SCHIP1: variants seen among roughly 807,000 people sequenced by gnomAD.
SCHIP1 encodes the protein schwannomin interacting protein 1, also known as schwannomin-interacting protein 1.
In SCHIP1, 8 loss-of-function variants were observed where a neutral mutation model predicts 29.7. The ratio of observed to expected loss-of-function variants is 0.27; its 90% CI spans 0.16 to 0.49. SCHIP1 has a LOEUF of 0.49. Among genes scored for constraint, SCHIP1 ranks in the 20% least tolerant of loss-of-function variants. The pLI is 0.99. For synonymous variants in SCHIP1, 76 were observed against 94.9 expected, an observed-to-expected ratio of 0.80 and a Z score of 1.16; for missense variants, 193 against 294.6, an observed-to-expected ratio of 0.66 and a Z score of 2.52.
chr3:159,630,590 C>T, the SCHIP1 span, among the ~76,000 whole-genome samples: 3 of 150,448 alleles, frequency 2.0e-5, no homozygotes, highest in Admixed American at 6.6e-5. Flanking sequence ...GAATGGAAAA[C>T]CAAACATCAT....
chr3:159,359,389 A>T, the SCHIP1 span, among the ~76,000 whole-genome samples: 1 of 152,144 alleles, frequency 6.6e-6, no homozygotes. Context: ...TGCCTTTCTG[A>T]TGGGTCATAT....
chr3:159,373,060 A>T, the SCHIP1 span, among the ~76,000 whole-genome samples: 1 of 152,002 alleles, frequency 6.6e-6, no homozygotes, highest in South Asian at 2.1e-4. Context: ...AATTTTTCTG[A>T]AAAAAGGGTA....
intron 1 of SCHIP1, among the ~76,000 whole-genome samples, chr3:159,845,086 C>T (rs1329110495): frequency 6.6e-6 from 1 of 152,152 alleles, no homozygotes; most frequent in East Asian, 1.9e-4. Flanking sequence ...GTTTCTGACC[C>T]CTAGGCAGAA....
chr3:159,487,860 T>A, the SCHIP1 span, among the ~76,000 whole-genome samples: 1 of 152,224 alleles, frequency 6.6e-6, no homozygotes, highest in African/African-American at 2.4e-5. Context: ...TTTACGTTAG[T>A]CTTTTAAAGT....
chr3:159,721,966 G>A, the SCHIP1 span: 1 of 382,380 alleles, frequency 2.6e-6, no homozygotes, highest in Non-Finnish European at 5.1e-6. Context: ...GTGTTCTTCA[G>A]CTTGACTTTC....
At chr3:159,887,883 A>G in exon 4 of SCHIP1, 2 of 1,614,034 alleles carry the variant, frequency 1.2e-6, no homozygotes, top group South Asian at 1.1e-5. Context: ...CAGAACAGGA[A>G]AAAGTCTCCC....
the SCHIP1 span, among the ~76,000 whole-genome samples, chr3:159,622,500 C>G: frequency 3.3e-5 from 5 of 152,298 alleles, no homozygotes; most frequent in East Asian, 9.6e-4. Context: ...CACTAGAGTT[C>G]TTTTTATCTC....
the SCHIP1 span, among the ~76,000 whole-genome samples, chr3:159,497,172 A>C: frequency 4.6e-5 from 7 of 152,074 alleles, no homozygotes; most frequent in African/African-American, 1.4e-4. Context: ...TGGCTGCAGC[A>C]CACCAACATG....
At chr3:159,814,610 C>T in the SCHIP1 span, among the ~76,000 whole-genome samples, 2 of 152,200 alleles carry the variant, frequency 1.3e-5, no homozygotes, top group African/African-American at 2.4e-5. Context: ...GTAGCTGGCC[C>T]ATGTGCCGCA....
chr3:159,719,584 A>G, the SCHIP1 span, among the ~76,000 whole-genome samples: 1 of 152,268 alleles, frequency 6.6e-6, no homozygotes, highest in Non-Finnish European at 1.5e-5. Flanking sequence ...GGATATGAAC[A>G]GACATTTCTC....
the SCHIP1 span, among the ~76,000 whole-genome samples, chr3:159,285,791 A>G: frequency 6.6e-6 from 1 of 152,172 alleles, no homozygotes; most frequent in South Asian, 2.1e-4. Context: ...CACTCATTCA[A>G]TAAACATTTG....
chr3:159,713,280 GAAA>G, the SCHIP1 span, among the ~76,000 whole-genome samples: 1 of 139,240 alleles, frequency 7.2e-6, no homozygotes, highest in African/African-American at 2.7e-5. Flanking sequence ...AAGAAAGAAA[GAAA>G]GAAAAAAGAA....
the SCHIP1 span, among the ~76,000 whole-genome samples, chr3:159,823,525 G>A: frequency 3.3e-5 from 5 of 152,198 alleles, no homozygotes; most frequent in East Asian, 7.7e-4. Flanking sequence ...ACAATGTCAG[G>A]GCCAGCGTGG....
At chr3:159,691,195 G>A in the SCHIP1 span, among the ~76,000 whole-genome samples, 1 of 152,156 alleles carries the variant, frequency 6.6e-6, no homozygotes, top group African/African-American at 2.4e-5. Context: ...GAGTGTTAAA[G>A]TCTCCCACGA....
the SCHIP1 span, among the ~76,000 whole-genome samples, chr3:159,505,837 T>C: frequency 6.6e-6 from 1 of 152,220 alleles, no homozygotes. Context: ...GTCCATGGTG[T>C]ATATGTGTCA....
At chr3:159,430,680 G>C in the SCHIP1 span, among the ~76,000 whole-genome samples, 54 of 152,264 alleles carry the variant, frequency 3.5e-4, no homozygotes, top group Admixed American at 2.4e-3. Context: ...AGCCCCATGT[G>C]AGAAATGACT....
the SCHIP1 span, among the ~76,000 whole-genome samples, chr3:159,319,429 T>C: frequency 0.026 from 3,917 of 152,318 alleles, 166 homozygotes; most frequent in African/African-American, 0.09. Context: ...AATGACTATT[T>C]GGACTCAAAA....
chr3:159,638,343 G>C, the SCHIP1 span, among the ~76,000 whole-genome samples: 4 of 152,120 alleles, frequency 2.6e-5, no homozygotes, highest in African/African-American at 9.7e-5. Context: ...CACTTCTTTG[G>C]CAAGAGTCCC....
At chr3:159,463,400 G>T in the SCHIP1 span, among the ~76,000 whole-genome samples, 1 of 152,034 alleles carries the variant, frequency 6.6e-6, no homozygotes. Flanking sequence ...CAGCCACAAT[G>T]ATAGATGTTA....
Sources: gnomAD v4.1 joint callset for allele counts (sites outside exome capture counted in the v4.1 genomes callset) on GRCh38, gnomAD v4.1.1 for gene constraint, MANE v1.5 for transcripts, NCBI Gene and HGNC (gene_info 2026-07-23, HGNC 2026-07-21) for gene names.